The following UNC5D variants were observed in gnomAD, a reference collection of about 807,000 sequenced individuals.
The protein encoded by UNC5D is unc-5 netrin receptor D, also known as netrin receptor UNC5D.
Under a neutral mutation model 105.4 loss-of-function variants are expected in UNC5D, and 39 were observed. The observed-to-expected ratio is 0.37, with a 90% CI of 0.29 to 0.48. The LOEUF is 0.48. Ranked by LOEUF, UNC5D falls within the 20% of genes least tolerant of loss-of-function variation. The pLI is 0.98. For synonymous variants in UNC5D, 452 were observed against 450.4 expected (o/e 1.00, Z -0.04); for missense variants, 991 against 1,202.4 (o/e 0.82, Z 2.60).
chr8:35,644,313 GGCCAT>G (rs1479913007), intron 4 of UNC5D, among the ~76,000 whole-genome samples: 1 of 152,072 alleles, frequency 6.6e-6, no homozygotes, highest in Admixed American at 6.6e-5. Flanking sequence ...ACCTGTTGGT[GGCCAT>G]GCTTTGAGCA....
intron 15 of UNC5D, among the ~76,000 whole-genome samples, chr8:35,768,226 G>A (rs1801858385): frequency 6.6e-6 from 1 of 151,990 alleles, no homozygotes; most frequent in African/African-American, 2.4e-5. Context: ...CTGAAGAGCG[G>A]ATGGCTTTCC....
intron 1 of UNC5D, chr8:35,544,458 TGTTA>T (rs759911575): frequency 1.9e-5 from 30 of 1,613,572 alleles, no homozygotes; most frequent in African/African-American, 2.7e-5. Context: ...ATGATCCTGG[TGTTA>T]GTTAAAGCTC....
chr8:35,239,785 G>C (rs773211417), intron 1 of UNC5D, among the ~76,000 whole-genome samples: 11 of 151,746 alleles, frequency 7.2e-5, no homozygotes, highest in Non-Finnish European at 1.0e-4. Context: ...TGAACTAACT[G>C]CTCAACAGAA....
chr8:35,637,807 A>G (rs1394961117), intron 4 of UNC5D, among the ~76,000 whole-genome samples: 1 of 152,178 alleles, frequency 6.6e-6, no homozygotes, highest in African/African-American at 2.4e-5. Flanking sequence ...TTGCATGATA[A>G]TGAGGATGCT....
intron 1 of UNC5D, among the ~76,000 whole-genome samples, chr8:35,384,288 C>T (rs1175588592): frequency 4.6e-5 from 7 of 151,732 alleles, no homozygotes; most frequent in Non-Finnish European, 8.8e-5. Flanking sequence ...ATAAAATTAA[C>T]TCTGTTTCCC....
At chr8:35,412,236 G>A (rs1358687011) in intron 1 of UNC5D, among the ~76,000 whole-genome samples, 1 of 151,894 alleles carries the variant, frequency 6.6e-6, no homozygotes, top group Admixed American at 6.6e-5. Context: ...ACCCTCCATT[G>A]GGCACCAGTT....
intron 4 of UNC5D, among the ~76,000 whole-genome samples, chr8:35,658,957 G>C (rs982917680): frequency 6.6e-6 from 1 of 152,148 alleles, no homozygotes; most frequent in South Asian, 2.1e-4. Context: ...GCCCGGCAGA[G>C]TGACACATTT....
chr8:35,579,320 T>C (rs991096974), intron 3 of UNC5D, among the ~76,000 whole-genome samples: 4 of 152,154 alleles, frequency 2.6e-5, no homozygotes, highest in Non-Finnish European at 4.4e-5. Context: ...GGTGTAACAG[T>C]ATCAGGCATC....
chr8:35,521,827 T>C (rs746581906), intron 1 of UNC5D, among the ~76,000 whole-genome samples: 1 of 152,216 alleles, frequency 6.6e-6, no homozygotes, highest in Non-Finnish European at 1.5e-5. Context: ...AAAGGTTACA[T>C]GATATTTTAA....
chr8:35,408,066 A>T (rs1480427621), intron 1 of UNC5D, among the ~76,000 whole-genome samples: 1 of 152,132 alleles, frequency 6.6e-6, no homozygotes, highest in East Asian at 1.9e-4. Context: ...TAATCATTAG[A>T]TCATTTAAAA....
intron 1 of UNC5D, among the ~76,000 whole-genome samples, chr8:35,293,734 T>G (rs2128864130): frequency 6.6e-6 from 1 of 152,342 alleles, no homozygotes; most frequent in African/African-American, 2.4e-5. Flanking sequence ...TCATAGCTTT[T>G]ACTATAACGG....
intron 13 of UNC5D, 89 bp downstream of exon 13, chr8:35,750,898 AG>A (rs1397809354): frequency 6.6e-7 from 1 of 1,516,256 alleles, no homozygotes; most frequent in Admixed American, 1.7e-5. Context: ...TTTATTACTG[AG>A]GGTCTAGAAA....
chr8:35,260,904 CA>C (rs1804447277), intron 1 of UNC5D, among the ~76,000 whole-genome samples: 2 of 152,132 alleles, frequency 1.3e-5, no homozygotes, highest in Non-Finnish European at 2.9e-5. Flanking sequence ...AGAAGGCACT[CA>C]GGACACTGAT....
intron 8 of UNC5D, among the ~76,000 whole-genome samples, chr8:35,721,742 T>G (rs776031830): frequency 4.6e-5 from 7 of 152,220 alleles, no homozygotes; most frequent in Non-Finnish European, 8.8e-5. Context: ...AGACTTTGTG[T>G]TATCTCCTTG....
In UNC5D at chr8:35,237,571, A is replaced by T. The variant is rs1182526718; in HGVS notation, c.103+1684A>T. On this transcript the variant is annotated intron_variant, in intron 1 of 16. Coordinates refer to ENST00000404895, the MANE Select transcript of UNC5D (RefSeq NM_080872.4). The stretch of plus-strand genomic sequence containing the variant: ...TGGGGACATGCCAGCAGCCTCTTGG[A>T]TGGAGTTTTGCTGGCTGCGAAACTA... Among the ~76,000 whole-genome samples, 5 of 152,092 alleles carry T rather than the reference A, an allele frequency of 3.3e-5. No homozygotes were observed. In the East Asian group the frequency reaches 7.7e-4, roughly 24 times the overall value.
intron 1 of UNC5D, among the ~76,000 whole-genome samples, chr8:35,519,969 A>T (rs1813350516): frequency 6.6e-6 from 1 of 152,146 alleles, no homozygotes; most frequent in Non-Finnish European, 1.5e-5. Flanking sequence ...GCTGGTGGAA[A>T]TGTAGAATGG....
rs547345444 is a variant in UNC5D, at chr8:35,291,501, G to A, written c.103+55614G>A. On this transcript the variant is annotated intron_variant, in intron 1 of 16. Coordinates refer to ENST00000404895, the MANE Select transcript of UNC5D (RefSeq NM_080872.4). ...TTCAGCACATCCATGGGCCTATGGA[G>A]CTGATGGTGGGAAAACGGGCCTGAT... Among the ~76,000 whole-genome samples the A allele has an allele frequency of 8.0e-4, 122 of 152,266 alleles. No homozygotes were observed. In the Middle Eastern group the frequency reaches 0.01, roughly 13 times the overall value.
intron 1 of UNC5D, among the ~76,000 whole-genome samples, chr8:35,387,133 G>C (rs1484498069): frequency 2.0e-5 from 3 of 151,758 alleles, no homozygotes; most frequent in African/African-American, 7.3e-5. Flanking sequence ...GGCCGAGGGG[G>C]GCAGATCACG....
chr8:35,728,171 T>C (rs1298362114), intron 10 of UNC5D, among the ~76,000 whole-genome samples: 1 of 151,014 alleles, frequency 6.6e-6, no homozygotes, highest in Non-Finnish European at 1.5e-5. Context: ...GCAATTATCT[T>C]ATCTCTTTCT....
Sources: gnomAD v4.1 joint callset for allele counts (sites outside exome capture counted in the v4.1 genomes callset) on GRCh38, gnomAD v4.1.1 for gene constraint, MANE v1.5 for transcripts, NCBI Gene and HGNC (gene_info 2026-07-23, HGNC 2026-07-21) for gene names.